RARB: variants seen among roughly 807,000 people sequenced by gnomAD.
RARB encodes retinoic acid receptor beta.
Under a neutral mutation model 51.9 loss-of-function variants are expected in RARB, and 17 were observed. That is an observed-to-expected ratio of 0.33 (90% CI 0.22 to 0.49). The LOEUF is 0.49. Ranked by LOEUF, RARB falls within the 20% of genes least tolerant of loss-of-function variation. The pLI is 0.99. For synonymous variants in RARB, 215 were observed against 195.4 expected, an observed-to-expected ratio of 1.10 and a Z score of -0.84; for missense variants, 369 against 550.8, an observed-to-expected ratio of 0.67 and a Z score of 3.30.
chr3:24,882,565 T>C (rs905386105), intron 2 of RARB, among the ~76,000 whole-genome samples: 1 of 152,232 alleles, frequency 6.6e-6, no homozygotes, highest in African/African-American at 2.4e-5. Flanking sequence ...TTTATTGTCA[T>C]CTATGGGACC....
At chr3:25,302,718 A>G (rs1704070082) in intron 5 of RARB, among the ~76,000 whole-genome samples, 1 of 152,204 alleles carries the variant, frequency 6.6e-6, no homozygotes, top group Non-Finnish European at 1.5e-5. Context: ...ACTTAAAACC[A>G]CCAAGTTGTA....
intron 2 of RARB, among the ~76,000 whole-genome samples, chr3:24,960,647 C>T (rs1054390914): frequency 1.3e-5 from 2 of 152,070 alleles, no homozygotes; most frequent in African/African-American, 4.8e-5. Context: ...TAAAACAAAA[C>T]CAGAATAAAA....
chr3:25,408,153 C>G (rs1707463914), intron 5 of RARB, among the ~76,000 whole-genome samples: 1 of 152,160 alleles, frequency 6.6e-6, no homozygotes, highest in Non-Finnish European at 1.5e-5. Context: ...CTTTCATTAA[C>G]TACACTGAAC....
intron 5 of RARB, among the ~76,000 whole-genome samples, chr3:25,241,604 T>C (rs1234689948): frequency 6.6e-6 from 1 of 152,236 alleles, no homozygotes; most frequent in Admixed American, 6.5e-5. Context: ...CTGAGAATGA[T>C]GGCTTCCAGA....
At chr3:24,878,822 C>G (rs976030604) in intron 2 of RARB, among the ~76,000 whole-genome samples, 36 of 152,234 alleles carry the variant, frequency 2.4e-4, no homozygotes, top group African/African-American at 8.7e-4. Flanking sequence ...TTTTCTTGGA[C>G]TAGTAAGATT....
At chr3:25,248,106 G>C (rs551615181) in intron 5 of RARB, among the ~76,000 whole-genome samples, 1 of 152,222 alleles carries the variant, frequency 6.6e-6, no homozygotes, top group South Asian at 2.1e-4. Flanking sequence ...TTGCTGGACT[G>C]ATCCTTTTAT....
intron 2 of RARB, among the ~76,000 whole-genome samples, chr3:24,955,114 A>G (rs1695981593): frequency 6.6e-6 from 1 of 152,148 alleles, no homozygotes; most frequent in Non-Finnish European, 1.5e-5. Flanking sequence ...ATGGTGATGA[A>G]TGCGGAGGAT....
rs1375791050 is a variant in RARB at position 25,001,325 on chromosome 3, T to C, written c.-379-58800T>C. On this transcript the variant is annotated intron_variant, in intron 2 of 11. Transcript: ENST00000383772. ...GAGAACATTTCAACAGTGGCTCTGC[T>C]TCAAGAATGTGAAGGCATTCCACCT... Among the ~76,000 whole-genome samples, 3 of 152,180 alleles carry C rather than the reference T, an allele frequency of 2.0e-5. No individual in the cohort carries two copies. The East Asian group carries it at 5.8e-4, about 29-fold the overall frequency.
At chr3:25,389,922 T>G (rs1706902173) in intron 5 of RARB, among the ~76,000 whole-genome samples, 1 of 152,076 alleles carries the variant, frequency 6.6e-6, no homozygotes, top group Non-Finnish European at 1.5e-5. Flanking sequence ...GGAAGAGTAG[T>G]GATGTAGATA....
chr3:24,930,646 G>A (rs1049143817), intron 2 of RARB, among the ~76,000 whole-genome samples: 1 of 151,980 alleles, frequency 6.6e-6, no homozygotes, highest in Non-Finnish European at 1.5e-5. Context: ...TGCCCAACAC[G>A]GTTCCAAATT....
chr3:25,553,959 C>A (rs766828549), intron 3 of RARB, among the ~76,000 whole-genome samples: 23 of 152,074 alleles, frequency 1.5e-4, no homozygotes, highest in Admixed American at 7.2e-4. Flanking sequence ...TCCCACTCCC[C>A]CTCCCCAACT....
intron 2 of RARB, among the ~76,000 whole-genome samples, chr3:24,879,157 C>T (rs930187720): frequency 2.6e-5 from 4 of 152,014 alleles, no homozygotes; most frequent in Admixed American, 1.3e-4. Flanking sequence ...CAGCTGGACA[C>T]GGTGGCTCAC....
rs552818476 is a variant in RARB, at chr3:25,086,602, G to A, written c.-328+26426G>A. 1.6e-4 allele frequency among the ~76,000 whole-genome samples: 24 copies of A among 152,196 alleles called. 1 individual carries two copies. In the South Asian group the frequency reaches 4.4e-3, roughly 28 times the overall value. ...GTCCAAGGTGGTTGGGTTACAGCTT[G>A]GTTTTATGTGTTTTAGGGAGTCATA... On this transcript the variant is annotated intron_variant, in intron 3 of 11. Transcript: ENST00000383772.
intron 2 of RARB, among the ~76,000 whole-genome samples, chr3:24,868,736 T>A (rs1702895416): frequency 6.6e-6 from 1 of 152,168 alleles, no homozygotes; most frequent in Non-Finnish European, 1.5e-5. Flanking sequence ...AACCTTGGTC[T>A]CCACAACCCG....
At chr3:25,566,977 G>C (rs1214851479) in intron 3 of RARB, among the ~76,000 whole-genome samples, 1 of 152,182 alleles carries the variant, frequency 6.6e-6, no homozygotes, top group Non-Finnish European at 1.5e-5. Flanking sequence ...TTCACCTGCT[G>C]ATGCCCAGTG....
intron 3 of RARB, among the ~76,000 whole-genome samples, chr3:25,505,512 G>A (rs548427176): frequency 6.6e-6 from 1 of 151,342 alleles, no homozygotes; most frequent in African/African-American, 2.4e-5. Flanking sequence ...ATCCTTTAAC[G>A]TGGCCTATCA....
chr3:25,389,171 G>A (rs979830338), intron 5 of RARB, among the ~76,000 whole-genome samples: 7 of 152,256 alleles, frequency 4.6e-5, no homozygotes, highest in East Asian at 1.9e-4. Flanking sequence ...CAATCTGTCC[G>A]TTTTCTTGAT....
chr3:25,177,843 C>A (rs770546415), intron 5 of RARB, among the ~76,000 whole-genome samples: 17 of 152,196 alleles, frequency 1.1e-4, no homozygotes, highest in Admixed American at 3.3e-4. Context: ...TCTATTCTAT[C>A]AACTATAAAA....
rs187840988 is a variant in RARB at position 24,978,961 on chromosome 3, T to C, written c.-379-81164T>C. 3.9e-3 allele frequency among the ~76,000 whole-genome samples: 594 copies of C among 152,338 alleles called. 2 individuals are homozygous for C. Among genetic ancestry groups the C allele is most frequent in the African/African-American group, 0.014 (569 of 41,584 alleles). On this transcript the variant is annotated intron_variant, in intron 2 of 11. Transcript: ENST00000383772. ...ATTCTGGTACATTGTGTCTTTGTTC[T>C]CATTGGTTTCAAAGAACATCTTTAT...
Sources: gnomAD v4.1 joint callset for allele counts (sites outside exome capture counted in the v4.1 genomes callset) on GRCh38, gnomAD v4.1.1 for gene constraint, MANE v1.5 for transcripts, NCBI Gene and HGNC (gene_info 2026-07-23, HGNC 2026-07-21) for gene names.